COL4A2: variants seen among roughly 807,000 people sequenced by gnomAD.
COL4A2 encodes the protein collagen type IV alpha 2 chain, also known as collagen alpha-2(IV) chain.
In COL4A2, 99 loss-of-function variants were observed where a neutral mutation model predicts 200.2. The observed-to-expected ratio is 0.49, with a 90% CI of 0.42 to 0.58. The LOEUF is 0.58. Among genes scored for constraint, COL4A2 ranks in the 20% least tolerant of loss-of-function variants. The pLI, the probability that COL4A2 is intolerant of heterozygous loss-of-function variation, is 0.00. For synonymous variants in COL4A2, 897 were observed against 900.6 expected (o/e 1.00, Z 0.07); for missense variants, 1,950 against 2,314.1 (o/e 0.84, Z 3.23).
At chr13:110,336,639 G>T (rs912496194) in intron 3 of COL4A2, among the ~76,000 whole-genome samples, 3 of 152,150 alleles carry the variant, frequency 2.0e-5, no homozygotes, top group African/African-American at 7.2e-5. Context: ...CTGCATCAGG[G>T]GTTTTGCTTG....
chr13:110,334,675 G>A (rs1356720205), intron 3 of COL4A2, among the ~76,000 whole-genome samples: 3 of 152,180 alleles, frequency 2.0e-5, no homozygotes, highest in Admixed American at 2.0e-4. Context: ...AGGATATTGT[G>A]AGACAGGTCA....
Position 110,490,353 on chromosome 13 carries a change from CTGGGGATTTTCTTTT to C in COL4A2, c.3346+569_3346+583del, listed in dbSNP as rs538133359. On this transcript the variant is annotated intron_variant, in intron 36 of 47. Transcript: ENST00000360467. Reference sequence around the variant, plus strand: ...GGGGACTGTGATAGTTTTCTTCTTTCTGGGGATTTTCTTTTGGGGGGACCCCACACTGCTCAAGTT... The same window carrying C: ...GGGGACTGTGATAGTTTTCTTCTTTCGGGGGGACCCCACACTGCTCAAGTT... 1.1e-4 allele frequency among the ~76,000 whole-genome samples: 16 copies of C among 152,360 alleles called. No individual in the cohort carries two copies. In the South Asian group the frequency reaches 3.3e-3, roughly 32 times the overall value.
chr13:110,461,579 G>GA (rs1882027132), intron 22 of COL4A2, among the ~76,000 whole-genome samples: 1 of 152,168 alleles, frequency 6.6e-6, no homozygotes, highest in African/African-American at 2.4e-5. Context: ...GGAATGCAGT[G>GA]GCAAGATCTC....
chr13:110,497,775 A>C (rs1370038844), intron 40 of COL4A2, among the ~76,000 whole-genome samples: 1 of 150,728 alleles, frequency 6.6e-6, no homozygotes, highest in Non-Finnish European at 1.5e-5. Flanking sequence ...CCAGCAGCAC[A>C]GCCTCAGTCA....
intron 20 of COL4A2, among the ~76,000 whole-genome samples, chr13:110,451,052 G>A (rs545531222): frequency 6.6e-6 from 1 of 152,298 alleles, no homozygotes; most frequent in Admixed American, 6.5e-5. Flanking sequence ...AGTCAATAAA[G>A]CCGGCAGGCA....
chr13:110,505,102 G>T (rs1883798199), intron 45 of COL4A2, among the ~76,000 whole-genome samples: 1 of 151,854 alleles, frequency 6.6e-6, no homozygotes, highest in African/African-American at 2.4e-5. Flanking sequence ...TGTAATCCCA[G>T]CACTTTGGGA....
In COL4A2 at chr13:110,512,281, T is replaced by TA. The variant is rs397838577; in HGVS notation, c.*102dup. On this transcript the variant is annotated 3_prime_UTR_variant, in exon 48 of 48. Transcript: ENST00000360467. ...CCAAAAATTGGTTTTATTTTTTTCTTAAAAAAAAAAAAGTCTACCAAAGGA... is the reference window on the plus strand; with the variant it reads ...CCAAAAATTGGTTTTATTTTTTTCTTAAAAAAAAAAAAAGTCTACCAAAGGA... 5.4e-3 allele frequency: 7,205 copies of TA among 1,328,154 alleles called. No individual in the cohort carries two copies. Among genetic ancestry groups the TA allele is most frequent in the East Asian group, 0.016 (524 of 32,794 alleles). 82.3% of individuals were successfully genotyped at this position (1,328,154 alleles called of 1,614,324 possible). A position where few individuals can be genotyped will look rare whatever the true frequency, so the allele number is the denominator to read the frequency against.
chr13:110,338,427 T>TG (rs1194373406), intron 3 of COL4A2, among the ~76,000 whole-genome samples: 2 of 80,712 alleles, frequency 2.5e-5, no homozygotes, highest in African/African-American at 7.7e-5. Context: ...ACAGAAAATG[T>TG]TGTGTGTGGG....
rs375913561 is a variant in COL4A2, at chr13:110,469,204, T to C, written c.2096-13T>C. On this transcript the variant is annotated splice_polypyrimidine_tract_variant and intron_variant, in intron 27 of 47. Transcript: ENST00000360467. ...GGAGCCTGATGTGGTTTGTGGTTTATTTGGTTATTTAGGTGCCAAAGGCCT... is the reference window on the plus strand; with the variant it reads ...GGAGCCTGATGTGGTTTGTGGTTTACTTGGTTATTTAGGTGCCAAAGGCCT... 1.2e-5 allele frequency: 19 copies of C among 1,573,468 alleles called. No individual in the cohort carries two copies. The African/African-American group carries it at 2.4e-4, about 20-fold the overall frequency.
intron 4 of COL4A2, among the ~76,000 whole-genome samples, chr13:110,361,270 C>T (rs1247073475): frequency 6.6e-6 from 1 of 152,230 alleles, no homozygotes. Flanking sequence ...AGAAGCATTG[C>T]TCTGTCTGCC....
At chr13:110,453,468 T>G (rs974323690) in intron 20 of COL4A2, among the ~76,000 whole-genome samples, 1 of 151,942 alleles carries the variant, frequency 6.6e-6, no homozygotes, top group Non-Finnish European at 1.5e-5. Context: ...ACCTTTGCAC[T>G]CCAGCCTGGG....
chr13:110,412,423 A>G lies in COL4A2; in HGVS notation c.181-12311A>G, dbSNP rs527470943. Among the ~76,000 whole-genome samples the G allele has an allele frequency of 5.9e-5, 9 of 152,258 alleles. No homozygotes were observed. The East Asian group carries it at 1.7e-3, about 29-fold the overall frequency. On this transcript the variant is annotated intron_variant, in intron 4 of 47. Coordinates refer to ENST00000360467, the MANE Select transcript of COL4A2 (RefSeq NM_001846.4). The stretch of plus-strand genomic sequence containing the variant: ...GGGCCGGTGGATGCTACTGCCTGCC[A>G]CCTCGTGTTCACCACCAGAACTGCA...
chr13:110,484,258 C>T (rs983609165), intron 32 of COL4A2, among the ~76,000 whole-genome samples: 11 of 152,162 alleles, frequency 7.2e-5, no homozygotes, highest in African/African-American at 2.7e-4. Context: ...TCCCATCAGC[C>T]TCTAGCCTAG....
intron 4 of COL4A2, among the ~76,000 whole-genome samples, chr13:110,409,147 A>G (rs1161252735): frequency 6.6e-6 from 1 of 152,034 alleles, no homozygotes; most frequent in African/African-American, 2.4e-5. Context: ...ACACGCACAC[A>G]TGTACACACA....
intron 3 of COL4A2, among the ~76,000 whole-genome samples, chr13:110,339,044 G>A (rs1455279908): frequency 6.6e-6 from 1 of 152,160 alleles, no homozygotes; most frequent in Non-Finnish European, 1.5e-5. Context: ...TGCCTTCCAC[G>A]GACCTTCCCT....
At chr13:110,437,628 A>C (rs957801352) in intron 13 of COL4A2, among the ~76,000 whole-genome samples, 4 of 152,162 alleles carry the variant, frequency 2.6e-5, no homozygotes, top group Non-Finnish European at 4.4e-5. Flanking sequence ...AGGGCCTCCT[A>C]GTAATGTTTT....
chr13:110,467,704 G>T (rs950710739), intron 27 of COL4A2, among the ~76,000 whole-genome samples: 2 of 152,208 alleles, frequency 1.3e-5, no homozygotes, highest in South Asian at 4.1e-4. Context: ...CCTGCGCTGC[G>T]ATTCTGCTGC....
At chr13:110,351,791 A>G (rs1309224508) in intron 3 of COL4A2, among the ~76,000 whole-genome samples, 1 of 152,210 alleles carries the variant, frequency 6.6e-6, no homozygotes, top group Non-Finnish European at 1.5e-5. Flanking sequence ...GCAGGTCCTC[A>G]GTAAATGTTC....
intron 16 of COL4A2, among the ~76,000 whole-genome samples, chr13:110,444,075 C>T (rs912082890): frequency 1.3e-5 from 2 of 152,200 alleles, no homozygotes; most frequent in Non-Finnish European, 2.9e-5. Flanking sequence ...TAGCTCATTG[C>T]TTTGGCTCTT....
Sources: allele counts gnomAD v4.1 joint callset (sites outside exome capture counted in the v4.1 genomes callset), GRCh38; gene constraint gnomAD v4.1.1; transcripts MANE v1.5; gene names NCBI Gene and HGNC (gene_info 2026-07-23, HGNC 2026-07-21).